GRIP1: variants seen among roughly 807,000 people sequenced by gnomAD.
GRIP1 encodes the protein glutamate receptor-interacting protein 1.
GRIP1 carries 45 observed loss-of-function variants against 129.9 expected under a neutral mutation model. That is an observed-to-expected ratio of 0.35 (90% CI 0.27 to 0.44). The LOEUF (loss-of-function observed/expected upper bound fraction) is 0.44, where lower values mean the gene tolerates loss of function less well. GRIP1 is among the 20% of genes least tolerant of loss of function. GRIP1 has a pLI of 1.00. For synonymous variants in GRIP1, 530 were observed against 520.8 expected (o/e 1.02, Z -0.24); for missense variants, 1,196 against 1,396.8 (o/e 0.86, Z 2.29).
intron 19 of GRIP1, among the ~76,000 whole-genome samples, chr12:66,384,062 G>A (rs1025346027): frequency 2.0e-5 from 3 of 152,178 alleles, no homozygotes; most frequent in African/African-American, 7.2e-5. Context: ...ATACCAGCTC[G>A]AAGTGCCTGT....
chr12:67,045,529 T>C (rs991473563), intron 1 of GRIP1, among the ~76,000 whole-genome samples: 4 of 152,144 alleles, frequency 2.6e-5, no homozygotes, highest in Admixed American at 2.0e-4. Context: ...ATTTAGTTCA[T>C]GGATGGGAAA....
intron 1 of GRIP1, among the ~76,000 whole-genome samples, chr12:66,812,394 C>T (rs1297703012): frequency 3.3e-5 from 5 of 152,334 alleles, no homozygotes; most frequent in South Asian, 2.1e-4. Flanking sequence ...CTCGGCCTCC[C>T]GAAGTGCTGG....
chr12:66,665,496 A>G lies in GRIP1; in HGVS notation c.55+13354T>C, dbSNP rs368451921. ...GAAGTTAACCACCATCCTAACTTCT[A>G]CCCTCATAGATAGATTTGGAATGGT... On this transcript the variant is annotated intron_variant, in intron 1 of 24. Coordinates refer to ENST00000359742, the MANE Select transcript of GRIP1 (RefSeq NM_001366722.1). Among the ~76,000 whole-genome samples the G allele has an allele frequency of 3.3e-5, 5 of 152,228 alleles. No individual in the cohort carries two copies. The East Asian group carries it at 9.7e-4, about 29-fold the overall frequency.
chr12:66,778,235 T>C (rs1369655800), intron 1 of GRIP1, among the ~76,000 whole-genome samples: 2 of 152,106 alleles, frequency 1.3e-5, no homozygotes, highest in African/African-American at 4.8e-5. Flanking sequence ...ATATTTCTAT[T>C]GAACAATAAA....
intron 1 of GRIP1, among the ~76,000 whole-genome samples, chr12:66,939,102 C>G (rs2041541076): frequency 6.6e-6 from 1 of 152,142 alleles, no homozygotes; most frequent in African/African-American, 2.4e-5. Flanking sequence ...TTCATCTGCC[C>G]TATACTAGTT....
intron 7 of GRIP1, among the ~76,000 whole-genome samples, chr12:66,501,096 T>A (rs899733803): frequency 6.6e-6 from 1 of 152,148 alleles, no homozygotes; most frequent in Non-Finnish European, 1.5e-5. Context: ...TGTTACTGTA[T>A]TGAGCAACTG....
intron 1 of GRIP1, among the ~76,000 whole-genome samples, chr12:66,801,193 T>G (rs184833348): frequency 4.6e-5 from 7 of 152,116 alleles, no homozygotes; most frequent in Admixed American, 2.0e-4. Context: ...TTTAAAAGAC[T>G]AAAACCCAGA....
At chr12:66,570,024 A>G (rs12321077) in intron 2 of GRIP1, among the ~76,000 whole-genome samples, 2,635 of 152,238 alleles carry the variant, frequency 0.017, 71 homozygotes, top group African/African-American at 0.06. Context: ...TGATTATCAC[A>G]TGTCTAAGAA....
intron 2 of GRIP1, among the ~76,000 whole-genome samples, chr12:66,574,017 C>G (rs894965028): frequency 6.6e-6 from 1 of 151,928 alleles, no homozygotes; most frequent in African/African-American, 2.4e-5. Flanking sequence ...TCTTTTTTTC[C>G]CCCAAATCCT....
intron 1 of GRIP1, among the ~76,000 whole-genome samples, chr12:66,708,283 G>T (rs183427081): frequency 4.6e-5 from 7 of 151,892 alleles, no homozygotes; most frequent in African/African-American, 1.7e-4. Context: ...AGCTCCCCAA[G>T]GAATCAGGTG....
chr12:67,026,559 T>A (rs922698450), intron 1 of GRIP1, among the ~76,000 whole-genome samples: 1 of 152,240 alleles, frequency 6.6e-6, no homozygotes, highest in Non-Finnish European at 1.5e-5. Flanking sequence ...TTAGCTCCTG[T>A]CATTATTTCT....
intron 23 of GRIP1, among the ~76,000 whole-genome samples, chr12:66,357,975 C>A (rs2054572258): frequency 6.6e-6 from 1 of 152,138 alleles, no homozygotes; most frequent in African/African-American, 2.4e-5. Flanking sequence ...CTCATTGAAA[C>A]CTCCACCTCC....
intron 9 of GRIP1, among the ~76,000 whole-genome samples, chr12:66,461,382 A>G (rs981470287): frequency 6.6e-6 from 1 of 152,342 alleles, no homozygotes; most frequent in South Asian, 2.1e-4. Flanking sequence ...TCCAAATCCA[A>G]TGATGACTGC....
At chr12:66,800,073 C>A (rs189764177) in intron 1 of GRIP1, among the ~76,000 whole-genome samples, 53 of 152,290 alleles carry the variant, frequency 3.5e-4, no homozygotes, top group African/African-American at 1.3e-3. Flanking sequence ...ATTTCATACA[C>A]ACACATCACA....
chr12:66,966,610 A>G (rs1055908403), intron 1 of GRIP1, among the ~76,000 whole-genome samples: 65 of 152,236 alleles, frequency 4.3e-4, no homozygotes, highest in African/African-American at 1.5e-3. Flanking sequence ...TGGCTCTAAC[A>G]ATTTCTGAGA....
chr12:66,507,078 G>A (rs573417267), intron 7 of GRIP1, among the ~76,000 whole-genome samples: 24 of 152,280 alleles, frequency 1.6e-4, no homozygotes, highest in African/African-American at 5.5e-4. Flanking sequence ...CTTGTGTGTC[G>A]TGTTATAAAT....
chr12:66,724,214 G>C (rs540795288), intron 1 of GRIP1, among the ~76,000 whole-genome samples: 14 of 152,284 alleles, frequency 9.2e-5, no homozygotes, highest in Non-Finnish European at 1.9e-4. Flanking sequence ...TCTGAACAGG[G>C]CTGGCAGTCA....
intron 1 of GRIP1, among the ~76,000 whole-genome samples, chr12:66,743,077 T>C (rs1354206794): frequency 3.9e-5 from 6 of 151,968 alleles, no homozygotes; most frequent in Non-Finnish European, 5.9e-5. Flanking sequence ...ATGGTAGCAA[T>C]AATAGACATG....
chr12:66,972,717 C>G (rs1485285827), intron 1 of GRIP1, among the ~76,000 whole-genome samples: 1 of 152,154 alleles, frequency 6.6e-6, no homozygotes, highest in African/African-American at 2.4e-5. Flanking sequence ...CAGTGAAATG[C>G]TCTAACTATT....
Sources: gnomAD v4.1 joint callset for allele counts (sites outside exome capture counted in the v4.1 genomes callset) on GRCh38, gnomAD v4.1.1 for gene constraint, MANE v1.5 for transcripts, NCBI Gene and HGNC (gene_info 2026-07-23, HGNC 2026-07-21) for gene names.